The following NUSAP1 variants were observed in gnomAD, a reference collection of about 807,000 sequenced individuals.
The protein encoded by NUSAP1 is nucleolar and spindle-associated protein 1.
In NUSAP1, 32 loss-of-function variants were observed where a neutral mutation model predicts 52.8. That is an observed-to-expected ratio of 0.61 (90% CI 0.46 to 0.81). The LOEUF is 0.81. NUSAP1 is among the 40% of genes least tolerant of loss of function. The pLI is 0.00. For synonymous variants in NUSAP1, 195 were observed against 183.1 expected (o/e 1.06, Z -0.52); for missense variants, 499 against 522.3 (o/e 0.96, Z 0.43).
chr15:41,348,454 G>C (rs150959952), intron 2 of NUSAP1, among the ~76,000 whole-genome samples: 1 of 151,850 alleles, frequency 6.6e-6, no homozygotes, highest in Admixed American at 6.6e-5. Context: ...TCCTGGGCTC[G>C]AGTGATCCAC....
intron 6 of NUSAP1, 88 bp from the exon 7 acceptor site, chr15:41,365,314 G>A (rs962177838): frequency 6.7e-5 from 75 of 1,113,968 alleles, no homozygotes; most frequent in Middle Eastern, 2.7e-4. Flanking sequence ...ATGCCACAAC[G>A]CCCGGCTAAT....
rs2050092060 is a variant in NUSAP1, at chr15:41,378,944, G to GTTTTGTTTTTTTTTTTTT, written c.1233-1145_1233-1144insGTTTTTTTTTTTTTTTTT. Among the ~76,000 whole-genome samples the GTTTTGTTTTTTTTTTTTT allele has an allele frequency of 4.1e-4, 26 of 63,262 alleles. 2 individuals carry two copies. The highest frequency in any genetic ancestry group is 1.8e-3 in the African/African-American group (25 of 14,276). The allele number at this position is 63,262 out of a possible 152,430, so 41.5% of individuals were successfully genotyped here. On this transcript the variant is annotated intron_variant, in intron 10 of 10. Coordinates refer to ENST00000559596, the MANE Select transcript of NUSAP1 (RefSeq NM_016359.5). ...CCCAAGATTATATTAACTTATCTTGGTTTTTTTTTTTTTTTTTTTTTTTTT... is the reference window on the plus strand; with the variant it reads ...CCCAAGATTATATTAACTTATCTTGGTTTTGTTTTTTTTTTTTTTTTTTTTTTTTTTTTTTTTTTTTTT...
intron 8 of NUSAP1, among the ~76,000 whole-genome samples, chr15:41,375,466 A>G (rs2140860649): frequency 6.6e-6 from 1 of 151,976 alleles, no homozygotes; most frequent in East Asian, 1.9e-4. Flanking sequence ...GTGAGCCACC[A>G]CACCTCTAGA....
intron 10 of NUSAP1, among the ~76,000 whole-genome samples, chr15:41,377,700 A>G (rs1372631360): frequency 7.4e-6 from 1 of 135,478 alleles, no homozygotes; most frequent in Non-Finnish European, 1.6e-5. Flanking sequence ...CGCCGTCTCA[A>G]AAAAAAAAAA....
At chr15:41,375,380 TG>T (rs1416377193) in intron 8 of NUSAP1, among the ~76,000 whole-genome samples, 2 of 152,032 alleles carry the variant, frequency 1.3e-5, no homozygotes, top group African/African-American at 4.8e-5. Context: ...TTCTCCGTGT[TG>T]GTCAGGCTGG....
Position 41,349,250 on chromosome 15 carries a change from A to C in NUSAP1, c.306+9A>C. On this transcript the variant is annotated intron_variant, in intron 3 of 10. Transcript: ENST00000559596. ...TGGACCCTGACTCACAGGTGAATGG[A>C]AATATACAAACTGAAAATAAACCAC... The C allele has an allele frequency of 1.2e-6, 2 of 1,604,180 alleles. No homozygotes were observed. The highest frequency in any genetic ancestry group is 1.7e-6 in the Non-Finnish European group (2 of 1,175,710).
At chr15:41,338,298 CCT>C (rs958135333) in intron 1 of NUSAP1, among the ~76,000 whole-genome samples, 9 of 152,044 alleles carry the variant, frequency 5.9e-5, no homozygotes, top group African/African-American at 1.9e-4. Context: ...TCCAGTAGGA[CCT>C]CTCTCTCCCC....
intron 8 of NUSAP1, among the ~76,000 whole-genome samples, chr15:41,372,792 G>A (rs2049754127): frequency 6.6e-6 from 1 of 152,006 alleles, no homozygotes; most frequent in Non-Finnish European, 1.5e-5. Context: ...TTCCCCCTAT[G>A]AAAAGAAAGG....
intron 10 of NUSAP1, among the ~76,000 whole-genome samples, chr15:41,378,478 G>A (rs2050063985): frequency 6.6e-6 from 1 of 152,048 alleles, no homozygotes; most frequent in South Asian, 2.1e-4. Context: ...ACTGCCACCA[G>A]GGCCTTTGCT....
At chr15:41,359,959 C>A (rs1309313823) in intron 6 of NUSAP1, among the ~76,000 whole-genome samples, 1 of 151,422 alleles carries the variant, frequency 6.6e-6, no homozygotes, top group Non-Finnish European at 1.5e-5. Flanking sequence ...CACTGTTTGT[C>A]AAACTTTTTT....
At chr15:41,363,029 G>A (rs975667149) in intron 6 of NUSAP1, among the ~76,000 whole-genome samples, 2 of 151,846 alleles carry the variant, frequency 1.3e-5, no homozygotes, top group African/African-American at 4.8e-5. Context: ...GCTCACGCCT[G>A]TAATCCCAGC....
chr15:41,366,224 T>C (rs756318382), intron 7 of NUSAP1, among the ~76,000 whole-genome samples: 10 of 151,946 alleles, frequency 6.6e-5, no homozygotes, highest in Non-Finnish European at 1.5e-4. Context: ...CATCCCACCT[T>C]GGCCAACCAA....
At chr15:41,343,951 C>T (rs1173847485) in intron 2 of NUSAP1, among the ~76,000 whole-genome samples, 1 of 151,650 alleles carries the variant, frequency 6.6e-6, no homozygotes, top group Non-Finnish European at 1.5e-5. Context: ...GGCGCAGTGG[C>T]TCACACCTGT....
At chr15:41,346,408 G>T (rs568719393) in intron 2 of NUSAP1, among the ~76,000 whole-genome samples, 1 of 152,158 alleles carries the variant, frequency 6.6e-6, no homozygotes, top group South Asian at 2.1e-4. Flanking sequence ...ACCTCAAGCA[G>T]TCCTCCCACT....
intron 4 of NUSAP1, among the ~76,000 whole-genome samples, chr15:41,354,434 G>C (rs368972508): frequency 6.6e-6 from 1 of 152,098 alleles, no homozygotes; most frequent in Non-Finnish European, 1.5e-5. Flanking sequence ...GAACCCTGGA[G>C]GCAGAGGTTG....
chr15:41,334,042 G>A (rs912851188), intron 1 of NUSAP1, among the ~76,000 whole-genome samples: 3 of 152,192 alleles, frequency 2.0e-5, no homozygotes, highest in Non-Finnish European at 4.4e-5. Flanking sequence ...TACTCTGGAG[G>A]TTTCTCCTGC....
At chr15:41,369,018 C>T (rs2049547221) in intron 7 of NUSAP1, among the ~76,000 whole-genome samples, 1 of 151,850 alleles carries the variant, frequency 6.6e-6, no homozygotes, top group Non-Finnish European at 1.5e-5. Context: ...TCCCAAAGTG[C>T]TGGGATTACA....
intron 7 of NUSAP1, among the ~76,000 whole-genome samples, chr15:41,370,119 C>A (rs28661013): frequency 0.21 from 32,130 of 150,088 alleles, 3,649 homozygotes; most frequent in Non-Finnish European, 0.25. Context: ...CGGTGGCTCA[C>A]GCCTGTAATC....
chr15:41,371,467 G>C (rs139357779), intron 7 of NUSAP1, 60 bp from the exon 8 acceptor site: 2 of 1,408,136 alleles, frequency 1.4e-6, no homozygotes, highest in East Asian at 5.1e-5. Context: ...TTATTTATAA[G>C]CTAGACACAA....
Sources: gnomAD v4.1 joint callset for allele counts (sites outside exome capture counted in the v4.1 genomes callset) on GRCh38, gnomAD v4.1.1 for gene constraint, MANE v1.5 for transcripts, NCBI Gene and HGNC (gene_info 2026-07-23, HGNC 2026-07-21) for gene names.